TMC2: variants seen among roughly 807,000 people sequenced by gnomAD.
TMC2 encodes the protein transmembrane channel like 2, also known as transmembrane channel-like protein 2.
TMC2 carries 102 observed loss-of-function variants against 105.9 expected under a neutral mutation model. The observed-to-expected ratio is 0.96, with a 90% CI of 0.82 to 1.14. TMC2 has a LOEUF of 1.14. TMC2 is among the 50% of genes most tolerant of loss of function. TMC2 has a pLI of 0.00. For missense variants in TMC2, 1,093 were observed against 1,134.3 expected (o/e 0.96, Z 0.52); for synonymous variants, 402 against 422.8 (o/e 0.95, Z 0.60).
intron 11 of TMC2, among the ~76,000 whole-genome samples, chr20:2,604,716 G>T (rs971785261): frequency 6.6e-6 from 1 of 152,138 alleles, no homozygotes; most frequent in African/African-American, 2.4e-5. Flanking sequence ...TCCAGGGAGG[G>T]GAGAGGGGCT....
chr20:2,571,901 T>C (rs547987984), intron 4 of TMC2, among the ~76,000 whole-genome samples: 206 of 152,312 alleles, frequency 1.4e-3, no homozygotes, highest in African/African-American at 4.6e-3. Context: ...CTTTTTGCCA[T>C]GTAACATATT....
chr20:2,548,787 C>CA (rs944351521), intron 2 of TMC2, among the ~76,000 whole-genome samples: 7 of 152,198 alleles, frequency 4.6e-5, no homozygotes, highest in Admixed American at 2.6e-4. Flanking sequence ...TTACTGTTCA[C>CA]AAAAATGTTC....
Position 2,579,189 on chromosome 20 carries a change from A to G in TMC2, c.689A>G (p.Gln230Arg). 6.2e-7 allele frequency: 1 copy of G among 1,603,582 alleles called. No homozygotes were observed. Among genetic ancestry groups the G allele is most frequent in the South Asian group, 1.1e-5 (1 of 90,846 alleles). The stretch of plus-strand genomic sequence containing the variant: ...AGAGACTTTGATAATTTCAAGACTC[A>G]ATGTATCCCCTGGGAAATGAAGATC... Reference protein sequence around the residue: ...FKRDFDNFKTQCIPWEMKIKD... With the variant: ...FKRDFDNFKTRCIPWEMKIKD... The change falls in exon 6 of 20, where the codon CAA (glutamine) becomes CGA (arginine). Residue 230 changes from glutamine (Q) to arginine (R), a missense_variant. Physicochemically the swap from Gln to Arg is conservative, Grantham distance 43. Transcript: ENST00000358864.
chr20:2,567,714 C>A (rs1357046759), intron 4 of TMC2, among the ~76,000 whole-genome samples: 3 of 151,752 alleles, frequency 2.0e-5, no homozygotes, highest in Non-Finnish European at 4.4e-5. Flanking sequence ...TTTAAAGCAA[C>A]CATCATAAAA....
At chr20:2,573,870 T>A (rs1295657835) in intron 5 of TMC2, among the ~76,000 whole-genome samples, 2 of 152,180 alleles carry the variant, frequency 1.3e-5, no homozygotes, top group Non-Finnish European at 2.9e-5. Context: ...TCTCTCTTAT[T>A]AATTCTAATC....
At chr20:2,575,793 A>G (rs951351524) in intron 5 of TMC2, among the ~76,000 whole-genome samples, 2 of 148,670 alleles carry the variant, frequency 1.3e-5, no homozygotes, top group African/African-American at 5.0e-5. Context: ...GAAATTTATC[A>G]GGTTTATTCT....
chr20:2,574,149 A>G (rs2086125836), intron 5 of TMC2, among the ~76,000 whole-genome samples: 1 of 152,218 alleles, frequency 6.6e-6, no homozygotes, highest in Non-Finnish European at 1.5e-5. Flanking sequence ...CTTCCATTTC[A>G]TTGGAAATAG....
intron 5 of TMC2, among the ~76,000 whole-genome samples, chr20:2,577,393 T>C (rs2086154826): frequency 6.6e-6 from 1 of 152,144 alleles, no homozygotes; most frequent in African/African-American, 2.4e-5. Flanking sequence ...GATGAAGCAA[T>C]GAGACTGGGC....
intron 12 of TMC2, 22 bp downstream of exon 12, chr20:2,610,620 A>C (rs2086430464): frequency 1.4e-6 from 2 of 1,446,158 alleles, no homozygotes; most frequent in Admixed American, 2.2e-5. Flanking sequence ...AACACCCCCC[A>C]CCCCACTGCA....
At chr20:2,595,823 A>G (rs1314399687) in intron 9 of TMC2, among the ~76,000 whole-genome samples, 2 of 152,170 alleles carry the variant, frequency 1.3e-5, no homozygotes, top group Admixed American at 6.6e-5. Context: ...GTCTGGGTAC[A>G]GCCCCTGAAA....
In TMC2 at chr20:2,631,061, A is replaced by C. The variant is rs894388924; in HGVS notation, c.2307-4865A>C. Among the ~76,000 whole-genome samples, 4 of 151,938 alleles carry C rather than the reference A, an allele frequency of 2.6e-5. No homozygotes were observed. In the East Asian group the frequency reaches 5.8e-4, roughly 22 times the overall value. ...GTTAAATATTTTAGTACATAATTTT[A>C]GTTCCCACGTCATTTCTCTAACTAT... On this transcript the variant is annotated intron_variant, in intron 17 of 19. Coordinates refer to ENST00000358864, the MANE Select transcript of TMC2 (RefSeq NM_080751.3).
At position 2,548,358 on chromosome 20, in the gene TMC2, G is replaced by A. The variant is rs534392629; in HGVS notation, c.83-10098G>A. 2.6e-5 allele frequency among the ~76,000 whole-genome samples: 4 copies of A among 152,226 alleles called. No homozygotes were observed. In the East Asian group the frequency reaches 7.7e-4, roughly 29 times the overall value. ...ATCCTTTCTTACTTAGAAATTAGTG[G>A]CCAGGTGTGGTGGCTCATGCCTCTA... On this transcript the variant is annotated intron_variant, in intron 2 of 19. Transcript: ENST00000358864.
At chr20:2,548,000 G>A (rs926060870) in intron 2 of TMC2, among the ~76,000 whole-genome samples, 4 of 152,072 alleles carry the variant, frequency 2.6e-5, no homozygotes, top group Admixed American at 6.5e-5. Flanking sequence ...TTATTACTTT[G>A]CATGCAAAGT....
chr20:2,537,018 C>T (rs887944723), intron 1 of TMC2, among the ~76,000 whole-genome samples: 2 of 152,166 alleles, frequency 1.3e-5, no homozygotes, highest in Non-Finnish European at 2.9e-5. Context: ...GAGCAAGCCC[C>T]TCAGCAGATT....
At chr20:2,584,529 T>C (rs2086219387) in intron 7 of TMC2, among the ~76,000 whole-genome samples, 1 of 151,940 alleles carries the variant, frequency 6.6e-6, no homozygotes, top group Non-Finnish European at 1.5e-5. Context: ...ACACACACAC[T>C]GAAGTCCTCT....
At chr20:2,604,659 C>T (rs1002781697) in intron 11 of TMC2, among the ~76,000 whole-genome samples, 2 of 152,036 alleles carry the variant, frequency 1.3e-5, no homozygotes, top group African/African-American at 4.8e-5. Flanking sequence ...GCCAGGGGAA[C>T]CAGCCAGTGA....
intron 2 of TMC2, among the ~76,000 whole-genome samples, chr20:2,539,389 C>T (rs2085873415): frequency 1.3e-5 from 2 of 152,010 alleles, no homozygotes; most frequent in Non-Finnish European, 2.9e-5. Flanking sequence ...AATTACAGCT[C>T]AGAAAAAAAA....
intron 4 of TMC2, among the ~76,000 whole-genome samples, chr20:2,571,672 A>C (rs1222910730): frequency 6.6e-6 from 1 of 152,194 alleles, no homozygotes; most frequent in Non-Finnish European, 1.5e-5. Flanking sequence ...CACTGGGGCC[A>C]TGCAGATGAC....
intron 16 of TMC2, among the ~76,000 whole-genome samples, chr20:2,623,645 T>C (rs2086542570): frequency 6.6e-6 from 1 of 152,070 alleles, no homozygotes; most frequent in Admixed American, 6.6e-5. Flanking sequence ...GTATTCCACC[T>C]CTTGGCACCA....
Sources: gnomAD v4.1 joint callset for allele counts (sites outside exome capture counted in the v4.1 genomes callset) on GRCh38, gnomAD v4.1.1 for gene constraint, MANE v1.5 for transcripts, NCBI Gene and HGNC (gene_info 2026-07-23, HGNC 2026-07-21) for gene names.